RSPO3: variants seen among roughly 807,000 people sequenced by gnomAD.
RSPO3 encodes R-spondin-3.
Under a neutral mutation model 36.5 loss-of-function variants are expected in RSPO3, and 17 were observed. The ratio of observed to expected loss-of-function variants is 0.47; its 90% CI spans 0.32 to 0.70. The LOEUF is 0.70. Among genes scored for constraint, RSPO3 ranks in the 30% least tolerant of loss-of-function variants. The probability of loss-of-function intolerance (pLI) is 0.04; values close to 1 mark genes in which losing one functional copy is unlikely to be tolerated. For synonymous variants in RSPO3, 108 were observed against 107.0 expected (o/e 1.01, Z -0.06); for missense variants, 294 against 322.5 (o/e 0.91, Z 0.68).
intron 1 of RSPO3, among the ~76,000 whole-genome samples, chr6:127,142,214 T>C (rs1223293046): frequency 6.6e-6 from 1 of 152,196 alleles, no homozygotes; most frequent in Non-Finnish European, 1.5e-5. Context: ...GAAAATCTTG[T>C]GTTCATATTT....
intron 1 of RSPO3, among the ~76,000 whole-genome samples, chr6:127,128,784 G>C (rs990036866): frequency 6.6e-6 from 1 of 152,090 alleles, no homozygotes; most frequent in Admixed American, 6.6e-5. Flanking sequence ...CAAAAGAACA[G>C]AGCAAAATGC....
intron 4 of RSPO3, among the ~76,000 whole-genome samples, chr6:127,189,495 T>C (rs1467361959): frequency 6.6e-6 from 1 of 152,058 alleles, no homozygotes; most frequent in African/African-American, 2.4e-5. Context: ...TTAAGAAGCT[T>C]GGGTTTATCT....
chr6:127,178,046 C>T (rs916412309), intron 4 of RSPO3, among the ~76,000 whole-genome samples: 2 of 151,696 alleles, frequency 1.3e-5, no homozygotes, highest in African/African-American at 4.8e-5. Context: ...TTAATAGGTA[C>T]ATTTAGATGC....
Position 127,196,319 on chromosome 6 carries a change from TCTTTTC to T in RSPO3, c.*316_*321del, listed in dbSNP as rs1775515029. 5.4e-6 allele frequency: 1 copy of T among 184,990 alleles called. No homozygotes were observed. Among genetic ancestry groups the T allele is most frequent in the South Asian group, 2.0e-4 (1 of 5,104 alleles). The allele number at this position is 184,990 out of a possible 1,614,324, so 11.5% of individuals were successfully genotyped here. ...AATGATGACATCTGGAGAAGAAACA[TCTTTTC>T]CTTATAAAAATGTGTTTTCAAGCTG... is the stretch of plus-strand genomic sequence containing the variant. On this transcript the variant is annotated 3_prime_UTR_variant, in exon 5 of 5. Coordinates refer to ENST00000356698, the MANE Select transcript of RSPO3 (RefSeq NM_032784.5).
rs1014951855 is a variant in RSPO3, at chr6:127,119,138, A to G, written c.-55A>G. The G allele has an allele frequency of 3.8e-6, 5 of 1,324,468 alleles. No individual in the cohort carries two copies. The highest frequency in any genetic ancestry group is 1.5e-5 in the African/African-American group (1 of 68,162). The allele number at this position is 1,324,468 out of a possible 1,614,324, so 82.0% of individuals were successfully genotyped here. ...TACATATATTTTAAAAACATTAAAT[A>G]TAATTAACAATCAAAAGAAAGAGGA... On this transcript the variant is annotated 5_prime_UTR_variant, in exon 1 of 5. It adds an upstream start codon to the 5' untranslated region. Transcript: ENST00000356698.
intron 1 of RSPO3, among the ~76,000 whole-genome samples, chr6:127,146,721 T>A (rs1774391510): frequency 6.6e-6 from 1 of 152,140 alleles, no homozygotes; most frequent in Non-Finnish European, 1.5e-5. Context: ...AGTCTCTTAG[T>A]GCCCTGAGTT....
At chr6:127,159,338 T>C (rs1437317525) in intron 4 of RSPO3, among the ~76,000 whole-genome samples, 1 of 152,088 alleles carries the variant, frequency 6.6e-6, no homozygotes, top group Admixed American at 6.6e-5. Flanking sequence ...TAATCACAGA[T>C]AGTGTATGAT....
chr6:127,177,765 A>C (rs1436566158), intron 4 of RSPO3, among the ~76,000 whole-genome samples: 1 of 151,904 alleles, frequency 6.6e-6, no homozygotes, highest in East Asian at 1.9e-4. Context: ...ACTTGCAAGA[A>C]GCCAATTTTT....
intron 1 of RSPO3, among the ~76,000 whole-genome samples, chr6:127,130,378 T>C (rs1774027138): frequency 6.6e-6 from 1 of 152,146 alleles, no homozygotes; most frequent in Non-Finnish European, 1.5e-5. Context: ...TCTTTTGAGC[T>C]TAGACTACCA....
chr6:127,156,356 A>G (rs1265497701), intron 4 of RSPO3, among the ~76,000 whole-genome samples: 1 of 152,186 alleles, frequency 6.6e-6, no homozygotes, highest in African/African-American at 2.4e-5. Flanking sequence ...TAGGGTGAAT[A>G]AACTTCCAGC....
chr6:127,181,482 T>A (rs576049442), intron 4 of RSPO3, among the ~76,000 whole-genome samples: 70 of 151,806 alleles, frequency 4.6e-4, no homozygotes, highest in Non-Finnish European at 9.0e-4. Context: ...TTGTTTTCAG[T>A]TTGTTAGGGT....
At chr6:127,181,854 C>T (rs772044167) in intron 4 of RSPO3, among the ~76,000 whole-genome samples, 9 of 151,808 alleles carry the variant, frequency 5.9e-5, no homozygotes, top group Non-Finnish European at 1.2e-4. Flanking sequence ...CCGTTTCTAC[C>T]TGTCTCAGTA....
chr6:127,150,960 G>A (rs1774480261), intron 3 of RSPO3, among the ~76,000 whole-genome samples: 1 of 151,564 alleles, frequency 6.6e-6, no homozygotes, highest in Admixed American at 6.6e-5. Flanking sequence ...ATACATATAT[G>A]TCTTGAACTT....
chr6:127,132,633 C>T (rs1774081146), intron 1 of RSPO3, among the ~76,000 whole-genome samples: 1 of 151,862 alleles, frequency 6.6e-6, no homozygotes, highest in Admixed American at 6.6e-5. Flanking sequence ...CTCTGGTATC[C>T]ATATTATTAT....
intron 1 of RSPO3, among the ~76,000 whole-genome samples, chr6:127,124,198 T>C (rs1773897082): frequency 6.6e-6 from 1 of 152,088 alleles, no homozygotes; most frequent in Non-Finnish European, 1.5e-5. Context: ...ATTTGCCAAA[T>C]TGTCTTTTCC....
At chr6:127,143,628 C>T (rs906797115) in intron 1 of RSPO3, among the ~76,000 whole-genome samples, 2 of 152,122 alleles carry the variant, frequency 1.3e-5, no homozygotes, top group Non-Finnish European at 2.9e-5. Context: ...CTAAAGTCTA[C>T]TAAAATTTAC....
intron 4 of RSPO3, among the ~76,000 whole-genome samples, chr6:127,161,385 T>TAAG (rs34237971): frequency 0.58 from 87,297 of 151,674 alleles, 25,259 homozygotes; most frequent in African/African-American, 0.66. Context: ...CTGCAGAAAA[T>TAAG]AAGACTTTAT....
intron 4 of RSPO3, among the ~76,000 whole-genome samples, chr6:127,187,692 T>A (rs1413060389): frequency 6.6e-6 from 1 of 152,118 alleles, no homozygotes; most frequent in Non-Finnish European, 1.5e-5. Context: ...TAGATAGGAT[T>A]TCAAAGTCAA....
intron 4 of RSPO3, among the ~76,000 whole-genome samples, chr6:127,168,306 G>A (rs1774862643): frequency 6.6e-6 from 1 of 152,134 alleles, no homozygotes; most frequent in Admixed American, 6.5e-5. Flanking sequence ...TAACTGGTGT[G>A]AGATGGTTTC....
Sources: allele counts gnomAD v4.1 joint callset (sites outside exome capture counted in the v4.1 genomes callset), GRCh38; gene constraint gnomAD v4.1.1; transcripts MANE v1.5; gene names NCBI Gene and HGNC (gene_info 2026-07-23, HGNC 2026-07-21).